CCDC85A: variants seen among roughly 807,000 people sequenced by gnomAD.
CCDC85A encodes coiled-coil domain-containing protein 85A.
In CCDC85A, 38 loss-of-function variants were observed where a neutral mutation model predicts 50.2. The ratio of observed to expected loss-of-function variants is 0.76; its 90% CI spans 0.58 to 0.99. The LOEUF is 0.99. Among genes scored for constraint, CCDC85A ranks in the 50% least tolerant of loss-of-function variants. The pLI is 0.00. For missense variants in CCDC85A, 820 were observed against 742.0 expected, an observed-to-expected ratio of 1.11 and a Z score of -1.22; for synonymous variants, 366 against 301.4, an observed-to-expected ratio of 1.21 and a Z score of -2.22.
intron 1 of CCDC85A, among the ~76,000 whole-genome samples, chr2:56,191,246 C>G (rs1676282431): frequency 6.6e-6 from 1 of 152,154 alleles, no homozygotes; most frequent in African/African-American, 2.4e-5. Context: ...CAGAACTTCT[C>G]ACTGCATGAC....
At chr2:56,255,346 G>A (rs1351274358) in intron 2 of CCDC85A, among the ~76,000 whole-genome samples, 4 of 152,320 alleles carry the variant, frequency 2.6e-5, no homozygotes, top group Non-Finnish European at 2.9e-5. Context: ...TGGTGAAGAA[G>A]GAGAGGGAGT....
chr2:56,248,661 AG>A (rs1669618152), intron 2 of CCDC85A, among the ~76,000 whole-genome samples: 1 of 152,214 alleles, frequency 6.6e-6, no homozygotes, highest in African/African-American at 2.4e-5. Flanking sequence ...GTGAGGAGTT[AG>A]GGCATGGTAA....
chr2:56,281,282 A>G (rs1311989597), intron 2 of CCDC85A, among the ~76,000 whole-genome samples: 1 of 152,182 alleles, frequency 6.6e-6, no homozygotes, highest in Admixed American at 6.5e-5. Context: ...CATTTTTTAA[A>G]AAATATTTTT....
intron 3 of CCDC85A, among the ~76,000 whole-genome samples, chr2:56,358,968 T>TCG (rs1675382566): frequency 2.9e-5 from 1 of 34,906 alleles, no homozygotes; most frequent in African/African-American, 7.2e-5. Context: ...TGTATTTTTT[T>TCG]TTTTTTTTTT....
At chr2:56,343,872 A>C (rs1674500385) in intron 3 of CCDC85A, among the ~76,000 whole-genome samples, 1 of 152,210 alleles carries the variant, frequency 6.6e-6, no homozygotes, top group South Asian at 2.1e-4. Context: ...TTTCAGGAGA[A>C]GAAATTTGAA....
intron 3 of CCDC85A, among the ~76,000 whole-genome samples, chr2:56,343,417 A>C (rs574761456): frequency 6.6e-6 from 1 of 152,006 alleles, no homozygotes; most frequent in African/African-American, 2.4e-5. Context: ...GTATAATTGA[A>C]CTCTTTCAGT....
At chr2:56,289,490 T>C (rs1032082765) in intron 2 of CCDC85A, among the ~76,000 whole-genome samples, 2 of 152,064 alleles carry the variant, frequency 1.3e-5, no homozygotes, top group African/African-American at 4.8e-5. Flanking sequence ...ATATGGGTGG[T>C]AGAAGGACAT....
chr2:56,193,145 A>G lies in CCDC85A; in HGVS notation c.945A>G (p.Glu315=), dbSNP rs959236370. Residue 315 remains glutamate, a synonymous_variant, in exon 2 of 6, where the codon GAA becomes GAG. Transcript: ENST00000407595. Reference sequence around the variant, plus strand: ...AGCACGTGCTGAGTGGGAGCCCGGAACACTTCCAGAAGCACCGGTCAGGGA... The same window carrying G: ...AGCACGTGCTGAGTGGGAGCCCGGAGCACTTCCAGAAGCACCGGTCAGGGA... ...LPKHVLSGSP[E]HFQKHRSGSS... is the part of the protein sequence containing the mutation. The G allele has an allele frequency of 1.2e-6, 2 of 1,612,256 alleles. No individual in the cohort carries two copies. The highest frequency in any genetic ancestry group is 1.7e-6 in the Non-Finnish European group (2 of 1,178,846).
Position 56,321,948 on chromosome 2 carries a change from T to G in CCDC85A, c.1241-20931T>G, listed in dbSNP as rs188121116. On this transcript the variant is annotated intron_variant, in intron 2 of 5. Coordinates refer to ENST00000407595, the MANE Select transcript of CCDC85A (RefSeq NM_001080433.2). ...TGGTACTGGTACCAAAACAGAGATATAGACCAATGGAACAGAATAGAGCCC... is the reference window on the plus strand; with the variant it reads ...TGGTACTGGTACCAAAACAGAGATAGAGACCAATGGAACAGAATAGAGCCC... Among the ~76,000 whole-genome samples the G allele has an allele frequency of 1.4e-4, 22 of 152,272 alleles. No individual in the cohort carries two copies. In the East Asian group the frequency reaches 4.3e-3, roughly 29 times the overall value.
At chr2:56,325,563 A>G (rs916578800) in intron 2 of CCDC85A, among the ~76,000 whole-genome samples, 1 of 152,104 alleles carries the variant, frequency 6.6e-6, no homozygotes, top group African/African-American at 2.4e-5. Flanking sequence ...CATGACTTTA[A>G]ATTGAACAGA....
intron 2 of CCDC85A, among the ~76,000 whole-genome samples, chr2:56,242,200 G>A (rs987608478): frequency 1.7e-4 from 26 of 152,194 alleles, no homozygotes; most frequent in African/African-American, 6.0e-4. Context: ...CTATAGAGTT[G>A]TTTGAGCTCC....
At chr2:56,229,828 A>T (rs1668703924) in intron 2 of CCDC85A, among the ~76,000 whole-genome samples, 1 of 152,184 alleles carries the variant, frequency 6.6e-6, no homozygotes, top group African/African-American at 2.4e-5. Context: ...GTTTTGTCTG[A>T]GGCAAAGATG....
At chr2:56,376,850 T>C (rs13432055) in intron 5 of CCDC85A, among the ~76,000 whole-genome samples, 42,503 of 152,176 alleles carry the variant, frequency 0.28, 6,197 homozygotes, top group African/African-American at 0.34. Context: ...GCTTTTACCA[T>C]GTGAGTTTCA....
intron 2 of CCDC85A, among the ~76,000 whole-genome samples, chr2:56,329,449 A>G (rs1673655977): frequency 1.3e-5 from 2 of 152,246 alleles, no homozygotes; most frequent in African/African-American, 4.8e-5. Flanking sequence ...ATATGTTAAC[A>G]GAGTAATTAT....
intron 2 of CCDC85A, among the ~76,000 whole-genome samples, chr2:56,337,039 T>A (rs559685249): frequency 6.6e-6 from 1 of 152,392 alleles, no homozygotes; most frequent in East Asian, 1.9e-4. Context: ...CATCGCACTC[T>A]GAGCTTTAGT....
chr2:56,234,428 G>C (rs1011837701), intron 2 of CCDC85A, among the ~76,000 whole-genome samples: 2 of 152,098 alleles, frequency 1.3e-5, no homozygotes, highest in African/African-American at 4.8e-5. Flanking sequence ...CTCCTCTCGA[G>C]CTTGCCTAGC....
intron 5 of CCDC85A, among the ~76,000 whole-genome samples, chr2:56,376,524 C>T (rs1362185830): frequency 6.6e-6 from 1 of 152,128 alleles, no homozygotes; most frequent in Non-Finnish European, 1.5e-5. Flanking sequence ...TCACATTTTG[C>T]AGTGATTTCA....
chr2:56,362,708 A>C (rs908706746), intron 3 of CCDC85A, among the ~76,000 whole-genome samples: 1 of 152,046 alleles, frequency 6.6e-6, no homozygotes, highest in Non-Finnish European at 1.5e-5. Flanking sequence ...AACCTCTGCA[A>C]CCTGGGTTCA....
chr2:56,190,305 G>A (rs184632990), intron 1 of CCDC85A, among the ~76,000 whole-genome samples: 1 of 152,220 alleles, frequency 6.6e-6, no homozygotes, highest in Admixed American at 6.5e-5. Context: ...GTGCCTCAAG[G>A]AACTGCTGGC....
Sources: gnomAD v4.1 joint callset for allele counts (sites outside exome capture counted in the v4.1 genomes callset) on GRCh38, gnomAD v4.1.1 for gene constraint, MANE v1.5 for transcripts, NCBI Gene and HGNC (gene_info 2026-07-23, HGNC 2026-07-21) for gene names.